Variants in MPP7 observed in about 807,000 individuals in gnomAD.
MPP7 encodes MAGUK p55 subfamily member 7.
MPP7 carries 60 observed loss-of-function variants against 76.5 expected under a neutral mutation model. That is an observed-to-expected ratio of 0.78 (90% CI 0.64 to 0.97). MPP7 has a LOEUF of 0.97. MPP7 is among the 50% of genes least tolerant of loss of function. The probability of loss-of-function intolerance (pLI) is 0.00; values close to 1 mark genes in which losing one functional copy is unlikely to be tolerated. For missense variants in MPP7, 641 were observed against 694.0 expected (o/e 0.92, Z 0.86); for synonymous variants, 237 against 244.5 (o/e 0.97, Z 0.29).
intron 11 of MPP7, among the ~76,000 whole-genome samples, chr10:28,104,169 A>T (rs1331548436): frequency 6.6e-6 from 1 of 152,178 alleles, no homozygotes; most frequent in Non-Finnish European, 1.5e-5. Context: ...AAAATTTAGC[A>T]AAGAAAAAGT....
At chr10:28,256,995 C>A (rs2132897439) in intron 1 of MPP7, among the ~76,000 whole-genome samples, 1 of 152,336 alleles carries the variant, frequency 6.6e-6, no homozygotes, top group South Asian at 2.1e-4. Flanking sequence ...TGGCTACAGT[C>A]ATGATTACAA....
intron 2 of MPP7, among the ~76,000 whole-genome samples, chr10:28,311,568 A>C (rs1240024911): frequency 8.0e-6 from 1 of 125,758 alleles, no homozygotes; most frequent in Non-Finnish European, 1.7e-5. Flanking sequence ...GTGTCCGGTA[A>C]TATATATGTC....
chr10:28,310,240 G>T (rs1316720043), intron 2 of MPP7, among the ~76,000 whole-genome samples: 2 of 152,086 alleles, frequency 1.3e-5, no homozygotes, highest in African/African-American at 4.8e-5. Context: ...GGCCTCAGGT[G>T]AGCAGCCCAC....
chr10:28,309,404 A>C (rs1589045918), intron 2 of MPP7, among the ~76,000 whole-genome samples: 4 of 129,134 alleles, frequency 3.1e-5, no homozygotes, highest in African/African-American at 9.3e-5. Context: ...ACAGAGTGAG[A>C]CTCCATCTCA....
At chr10:28,152,841 G>A (rs1295596055) in intron 3 of MPP7, among the ~76,000 whole-genome samples, 3 of 152,090 alleles carry the variant, frequency 2.0e-5, no homozygotes, top group Non-Finnish European at 4.4e-5. Context: ...AACCAAAGAT[G>A]TGGCTTCATC....
intron 1 of MPP7, among the ~76,000 whole-genome samples, chr10:28,252,369 A>T (rs760000661): frequency 6.6e-6 from 1 of 152,236 alleles, no homozygotes; most frequent in Non-Finnish European, 1.5e-5. Context: ...ATTCCCCCAC[A>T]GGGGAATCAC....
intron 1 of MPP7, among the ~76,000 whole-genome samples, chr10:28,253,398 A>G (rs1839680012): frequency 1.3e-5 from 2 of 152,208 alleles, no homozygotes; most frequent in African/African-American, 4.8e-5. Context: ...AATGTAAAAC[A>G]GAAAAGGAGC....
intron 3 of MPP7, among the ~76,000 whole-genome samples, chr10:28,179,350 A>G (rs866628102): frequency 2.0e-5 from 3 of 152,164 alleles, no homozygotes; most frequent in Non-Finnish European, 4.4e-5. Flanking sequence ...CACTTACTCA[A>G]GTGATTACTT....
intron 2 of MPP7, among the ~76,000 whole-genome samples, chr10:28,318,388 G>A (rs1478099536): frequency 6.6e-6 from 1 of 152,146 alleles, no homozygotes. Context: ...AAGCTTCTCT[G>A]TTGAAAAGCA....
intron 13 of MPP7, among the ~76,000 whole-genome samples, chr10:28,061,344 A>G (rs1851777119): frequency 6.6e-6 from 1 of 152,054 alleles, no homozygotes; most frequent in African/African-American, 2.4e-5. Flanking sequence ...TAGCAGAAGA[A>G]CAGAAACTAT....
chr10:28,084,054 AT>A (rs773504064), intron 12 of MPP7, among the ~76,000 whole-genome samples: 2 of 152,174 alleles, frequency 1.3e-5, no homozygotes, highest in Non-Finnish European at 2.9e-5. Flanking sequence ...CATAAAGTTA[AT>A]TTTCCTAGAG....
chr10:28,223,890 G>A (rs958719515), intron 2 of MPP7, among the ~76,000 whole-genome samples: 4 of 150,008 alleles, frequency 2.7e-5, no homozygotes, highest in African/African-American at 7.4e-5. Context: ...TGCCATAAAC[G>A]TCATTGCAAA....
chr10:28,331,242 G>A (rs1057485537), intron 1 of MPP7, among the ~76,000 whole-genome samples: 4 of 152,114 alleles, frequency 2.6e-5, no homozygotes, highest in Non-Finnish European at 4.4e-5. Flanking sequence ...GCTACTCATT[G>A]AGTGGGTCCT....
intron 2 of MPP7, 86 bp downstream of exon 2, chr10:28,238,482 G>A (rs750921636): frequency 7.3e-7 from 1 of 1,375,214 alleles, no homozygotes; most frequent in Non-Finnish European, 1.0e-6. Flanking sequence ...TGATCTGCCT[G>A]CATTTGCTTA....
upstream of MPP7, among the ~76,000 whole-genome samples, chr10:28,303,734 G>A (rs1283154776): frequency 2.6e-5 from 4 of 152,134 alleles, no homozygotes; most frequent in African/African-American, 4.8e-5. Context: ...GAAATCCAGA[G>A]AACTGATTCT....
intron 2 of MPP7, among the ~76,000 whole-genome samples, chr10:28,217,881 CA>C (rs1838366208): frequency 6.6e-6 from 1 of 152,148 alleles, no homozygotes; most frequent in African/African-American, 2.4e-5. Context: ...TGGACTACAT[CA>C]AAAGCAATCA....
At chr10:28,330,669 T>C (rs1230244458) in intron 1 of MPP7, among the ~76,000 whole-genome samples, 3 of 152,146 alleles carry the variant, frequency 2.0e-5, no homozygotes, top group Non-Finnish European at 4.4e-5. Flanking sequence ...GGTTTTGGTT[T>C]TTTAAGATGG....
intron 11 of MPP7, among the ~76,000 whole-genome samples, chr10:28,100,475 TAGTC>T (rs1403657266): frequency 4.6e-5 from 7 of 152,146 alleles, no homozygotes; most frequent in Admixed American, 2.6e-4. Flanking sequence ...GGGGCTAGGT[TAGTC>T]AGCTTCCGTA....
At chr10:28,331,925 A>T (rs572770650) in intron 1 of MPP7, among the ~76,000 whole-genome samples, 32 of 152,276 alleles carry the variant, frequency 2.1e-4, no homozygotes, top group East Asian at 1.9e-4. Context: ...TATTCCTACA[A>T]TTCATCTCCT....
Sources: gnomAD v4.1 joint callset for allele counts (sites outside exome capture counted in the v4.1 genomes callset) on GRCh38, gnomAD v4.1.1 for gene constraint, MANE v1.5 for transcripts, NCBI Gene and HGNC (gene_info 2026-07-23, HGNC 2026-07-21) for gene names.